Variants in MITF observed in about 807,000 individuals in gnomAD.
The protein encoded by MITF is microphthalmia-associated transcription factor.
A neutral mutation model predicts 60.5 loss-of-function variants in MITF; 17 were observed. That is an observed-to-expected ratio of 0.28 (90% CI 0.19 to 0.42). The LOEUF (loss-of-function observed/expected upper bound fraction) is 0.42. Ranked by LOEUF, MITF falls within the 10% of genes least tolerant of loss-of-function variation. The pLI, the probability that MITF is intolerant of heterozygous loss-of-function variation, is 1.00. For synonymous variants in MITF, 260 were observed against 248.5 expected (o/e 1.05, Z -0.43); for missense variants, 622 against 683.5 (o/e 0.91, Z 1.00).
Position 69,965,405 on chromosome 3 carries a change from T to C in MITF, c.*157T>C. The C allele has an allele frequency of 2.7e-6, 2 of 739,430 alleles. No individual in the cohort carries two copies. The highest frequency in any genetic ancestry group is 4.3e-6 in the Non-Finnish European group (2 of 466,182). The allele number at this position is 739,430 out of a possible 1,614,324, so 45.8% of individuals were successfully genotyped here. ...CCAGGATATATTTTATTTTTAGAAT[T>C]TTGTGAAACAGACTTGTATATTCTA... is the stretch of plus-strand genomic sequence containing the variant. On this transcript the variant is annotated 3_prime_UTR_variant, in exon 10 of 10. Coordinates refer to ENST00000352241, the MANE Select transcript of MITF (RefSeq NM_001354604.2).
chr3:69,901,116 T>G (rs2064986722), intron 2 of MITF, among the ~76,000 whole-genome samples: 1 of 151,946 alleles, frequency 6.6e-6, no homozygotes, highest in African/African-American at 2.4e-5. Context: ...GACTTGGTTT[T>G]TGGTTGTAAT....
At chr3:69,948,545 T>C (rs1441089255) in intron 5 of MITF, among the ~76,000 whole-genome samples, 1 of 139,284 alleles carries the variant, frequency 7.2e-6, no homozygotes, top group Non-Finnish European at 1.6e-5. Context: ...CATTTCCAAT[T>C]AAAAAAAAAA....
intron 1 of MITF, among the ~76,000 whole-genome samples, chr3:69,773,743 C>T (rs2062430158): frequency 6.6e-6 from 1 of 152,144 alleles, no homozygotes; most frequent in Non-Finnish European, 1.5e-5. Flanking sequence ...AAATTGAAAA[C>T]TATGAAGCAT....
At chr3:69,811,351 C>A (rs766785097) in intron 1 of MITF, among the ~76,000 whole-genome samples, 8 of 152,128 alleles carry the variant, frequency 5.3e-5, no homozygotes, top group Admixed American at 2.0e-4. Flanking sequence ...GGTTTCCGAG[C>A]AAAATATATG....
At chr3:69,958,574 A>T (rs1192642778) in intron 8 of MITF, among the ~76,000 whole-genome samples, 1 of 141,502 alleles carries the variant, frequency 7.1e-6, no homozygotes, top group Non-Finnish European at 1.5e-5. Context: ...ATCCTTGATT[A>T]AAAAAAAAAA....
intron 1 of MITF, among the ~76,000 whole-genome samples, chr3:69,739,926 G>A (rs1204436731): frequency 1.3e-5 from 2 of 152,106 alleles, no homozygotes; most frequent in African/African-American, 4.8e-5. Flanking sequence ...GGCGCGGCGG[G>A]TCGCCGGGGA....
intron 1 of MITF, among the ~76,000 whole-genome samples, chr3:69,818,800 G>A (rs1208765743): frequency 2.6e-5 from 4 of 151,988 alleles, no homozygotes; most frequent in East Asian, 1.9e-4. Context: ...GAGGATTTAT[G>A]GTCAAAGATA....
Position 69,763,187 on chromosome 3 carries a change from G to A in MITF, c.104+23486G>A, listed in dbSNP as rs575200725. Reference sequence around the variant, plus strand: ...TTCCAATATGATATCTTATGAAGTTGATAATTATTTTCATGGTTTAAGTAG... The same window carrying A: ...TTCCAATATGATATCTTATGAAGTTAATAATTATTTTCATGGTTTAAGTAG... On this transcript the variant is annotated intron_variant, in intron 1 of 9. Transcript: ENST00000352241. Among the ~76,000 whole-genome samples the A allele has an allele frequency of 2.6e-5, 4 of 152,232 alleles. No homozygotes were observed. In the East Asian group the frequency reaches 7.7e-4, roughly 29 times the overall value.
chr3:69,945,419 A>G (rs1050233216), intron 5 of MITF, among the ~76,000 whole-genome samples: 4 of 152,196 alleles, frequency 2.6e-5, no homozygotes, highest in Admixed American at 1.3e-4. Flanking sequence ...TGTGAAATAT[A>G]CATGTTAATA....
chr3:69,875,901 C>T (rs527475112), intron 1 of MITF, among the ~76,000 whole-genome samples: 16 of 152,238 alleles, frequency 1.1e-4, no homozygotes, highest in South Asian at 2.1e-4. Flanking sequence ...TGCCATGAGG[C>T]GACTCTAATG....
At chr3:69,744,345 A>ATT (rs372155531) in intron 1 of MITF, among the ~76,000 whole-genome samples, 13 of 120,900 alleles carry the variant, frequency 1.1e-4, no homozygotes, top group African/African-American at 3.8e-4. Flanking sequence ...AGTTTTCTTG[A>ATT]TTTTTTTTTT....
At chr3:69,855,581 C>T (rs1200770506) in intron 1 of MITF, among the ~76,000 whole-genome samples, 1 of 151,748 alleles carries the variant, frequency 6.6e-6, no homozygotes, top group Non-Finnish European at 1.5e-5. Flanking sequence ...AAGTACAACA[C>T]AAAACCTGCT....
intron 1 of MITF, chr3:69,866,175 G>A (rs2064110714): frequency 2.6e-6 from 4 of 1,549,314 alleles, no homozygotes; most frequent in African/African-American, 1.4e-5. Context: ...GCTGTGTTTG[G>A]ATTGGAGTTT....
Position 69,965,772 on chromosome 3 carries a change from T to G in MITF, c.*524T>G, listed in dbSNP as rs769353314. The G allele has an allele frequency of 6.5e-5, 15 of 232,186 alleles. No homozygotes were observed. Among genetic ancestry groups the G allele is most frequent in the Non-Finnish European group, 1.1e-4 (13 of 117,680 alleles). 14.4% of individuals were successfully genotyped at this position (232,186 alleles called of 1,614,324 possible). On this transcript the variant is annotated 3_prime_UTR_variant, in exon 10 of 10. Coordinates refer to ENST00000352241, the MANE Select transcript of MITF (RefSeq NM_001354604.2). ...AGTACCCCTCTAGCTTTGTTTAGTCTTTATACTGCAAACTATTTAAAGAAA... is the reference window on the plus strand; with the variant it reads ...AGTACCCCTCTAGCTTTGTTTAGTCGTTATACTGCAAACTATTTAAAGAAA...
chr3:69,896,762 T>C (rs1398236011), intron 2 of MITF, among the ~76,000 whole-genome samples: 1 of 152,214 alleles, frequency 6.6e-6, no homozygotes, highest in Non-Finnish European at 1.5e-5. Flanking sequence ...AATTCATGTA[T>C]GTAAGTACCT....
intron 1 of MITF, among the ~76,000 whole-genome samples, chr3:69,812,842 AC>A (rs2063121820): frequency 6.6e-6 from 1 of 152,186 alleles, no homozygotes; most frequent in Non-Finnish European, 1.5e-5. Context: ...ATTGTCTCCT[AC>A]ATAGTGGATT....
At chr3:69,835,158 T>C (rs1342236839) in intron 1 of MITF, among the ~76,000 whole-genome samples, 2 of 151,578 alleles carry the variant, frequency 1.3e-5, no homozygotes, top group Non-Finnish European at 2.9e-5. Flanking sequence ...GCTGGGACTA[T>C]AGGAGCATGC....
chr3:69,967,063 G>A lies in MITF; in HGVS notation c.*1815G>A, dbSNP rs1303395464. The A allele has an allele frequency of 4.3e-6, 1 of 232,168 alleles. No individual in the cohort carries two copies. Among genetic ancestry groups the A allele is most frequent in the Non-Finnish European group, 8.5e-6 (1 of 117,276 alleles). The allele number at this position is 232,168 out of a possible 1,614,324, so 14.4% of individuals were successfully genotyped here. A position where few individuals can be genotyped will look rare whatever the true frequency, so the allele number is the denominator to read the frequency against. On this transcript the variant is annotated 3_prime_UTR_variant, in exon 10 of 10. Coordinates refer to ENST00000352241, the MANE Select transcript of MITF (RefSeq NM_001354604.2). ...CCTTATTCAGGAGGGTTTTTAAAAA[G>A]TGTTTAAATGTCAAATGTGAATTGG...
intron 2 of MITF, among the ~76,000 whole-genome samples, chr3:69,919,490 T>G (rs2065413656): frequency 6.6e-6 from 1 of 152,116 alleles, no homozygotes; most frequent in Admixed American, 6.5e-5. Flanking sequence ...AGGATTAAAT[T>G]TTTTTTTGTA....
Sources: allele counts gnomAD v4.1 joint callset (sites outside exome capture counted in the v4.1 genomes callset), GRCh38; gene constraint gnomAD v4.1.1; transcripts MANE v1.5; gene names NCBI Gene and HGNC (gene_info 2026-07-23, HGNC 2026-07-21).